The following DNAH7 variants were observed in gnomAD, a reference collection of about 807,000 sequenced individuals.
The protein encoded by DNAH7 is dynein axonemal heavy chain 7, also known as axonemal beta dynein heavy chain 7.
In DNAH7, 397 loss-of-function variants were observed where a neutral mutation model predicts 444.6. That is an observed-to-expected ratio of 0.89 (90% CI 0.82 to 0.97). DNAH7 has a LOEUF of 0.97. DNAH7 is among the 50% of genes least tolerant of loss of function. DNAH7 has a pLI of 0.00. For synonymous variants in DNAH7, 1,636 were observed against 1,624.4 expected (o/e 1.01, Z -0.17); for missense variants, 4,902 against 4,800.8 (o/e 1.02, Z -0.62).
chr2:195,955,884 A>T (rs2125504462), intron 19 of DNAH7, among the ~76,000 whole-genome samples: 1 of 152,286 alleles, frequency 6.6e-6, no homozygotes, highest in African/African-American at 2.4e-5. Flanking sequence ...AGGAAACTAT[A>T]TATAAAAGAC....
rs1364984062 is a variant in DNAH7, at chr2:195,972,358, CT to C, written c.1941del (p.Ala648GlnfsTer3). 6.2e-7 allele frequency: 1 copy of C among 1,614,032 alleles called. No homozygotes were observed. The highest frequency in any genetic ancestry group is 1.7e-5 in the Admixed American group (1 of 60,002). On this transcript the variant is annotated frameshift_variant, in exon 16 of 65. Coordinates refer to ENST00000312428, the MANE Select transcript of DNAH7 (RefSeq NM_018897.3). LOFTEE classifies it high-confidence loss of function. ...AFLIEYVNFS[P>X]ADMRLNNSVF... ...ACACTATTATTTAGCCTCATGTCTG[CT>C]GGAGAAAAGTTGACATACTCGATGA...
chr2:195,990,836 T>A (rs910423981), intron 12 of DNAH7, among the ~76,000 whole-genome samples: 1 of 146,006 alleles, frequency 6.8e-6, no homozygotes, highest in Non-Finnish European at 1.5e-5. Flanking sequence ...TAAATATATA[T>A]ACATATATAT....
chr2:195,860,208 T>C (rs1221727330), intron 42 of DNAH7, among the ~76,000 whole-genome samples: 1 of 152,164 alleles, frequency 6.6e-6, no homozygotes, highest in African/African-American at 2.4e-5. Context: ...TTTAAACTCT[T>C]CCTATAAGTT....
At chr2:195,875,107 T>A (rs1295457100) in intron 38 of DNAH7, among the ~76,000 whole-genome samples, 5 of 152,178 alleles carry the variant, frequency 3.3e-5, no homozygotes, top group Non-Finnish European at 1.5e-5. Context: ...CAGAGATTCC[T>A]TTGAGTATAA....
intron 10 of DNAH7, among the ~76,000 whole-genome samples, chr2:196,007,678 C>T (rs897354520): frequency 1.3e-5 from 2 of 152,214 alleles, no homozygotes; most frequent in Non-Finnish European, 2.9e-5. Context: ...ATAAGTCTCA[C>T]GAGATTTGTT....
intron 24 of DNAH7, among the ~76,000 whole-genome samples, chr2:195,916,842 G>A (rs554651663): frequency 4.6e-5 from 7 of 151,944 alleles, no homozygotes; most frequent in East Asian, 1.9e-4. Context: ...GCTCACGCCC[G>A]TAATTCCAGC....
At chr2:195,924,139 G>C (rs1460283350) in intron 22 of DNAH7, among the ~76,000 whole-genome samples, 1 of 152,098 alleles carries the variant, frequency 6.6e-6, no homozygotes, top group African/African-American at 2.4e-5. Flanking sequence ...CTAAACCAGA[G>C]CCAATCACAG....
rs1698910396 is a variant in DNAH7, at chr2:195,845,159, T to A, written c.8788A>T (p.Thr2930Ser). ...AFTSTYRQNQTKEWTTLCKGR... is the reference protein window; with the variant it reads ...AFTSTYRQNQSKEWTTLCKGR... ...TTGCACAAAGTTGTCCACTCTTTAG[T>A]TTGATTCTTTAGAACATCCACAGAA... The change falls in exon 47 of 65, where the codon ACT becomes TCT. Residue 2930 changes from threonine (T) to serine (S), a missense_variant. By Grantham distance (58) the Thr-to-Ser change is moderately conservative. Coordinates refer to ENST00000312428, the MANE Select transcript of DNAH7 (RefSeq NM_018897.3). 1 of 1,607,190 alleles carries A rather than the reference T, an allele frequency of 6.2e-7. No individual in the cohort carries two copies. The highest frequency in any genetic ancestry group is 1.1e-5 in the South Asian group (1 of 89,050).
intron 8 of DNAH7, among the ~76,000 whole-genome samples, chr2:196,021,249 A>T (rs1358725135): frequency 6.6e-6 from 1 of 152,210 alleles, no homozygotes. Context: ...TAACCAACTT[A>T]GTGTCCACCT....
chr2:196,059,927 T>C (rs756523661), intron 1 of DNAH7, among the ~76,000 whole-genome samples: 1 of 152,136 alleles, frequency 6.6e-6, no homozygotes, highest in African/African-American at 2.4e-5. Flanking sequence ...ATTAAACCTA[T>C]GTTTCTGGCT....
Position 195,872,276 on chromosome 2 carries a change from C to T in DNAH7, c.6607G>A (p.Val2203Met), listed in dbSNP as rs369005299. The part of the protein sequence containing the change: ...SRPETTETTE[V>M]IKRLWVHEVL... ...TCATGAACCCAAAGACGTTTAATCA[C>T]TTCTGTGGTTTCTGTTGTTTCTGGT... Residue 2203 changes from valine (V) to methionine (M), a missense_variant, in exon 40 of 65, where the codon GTG becomes ATG. Physicochemically the swap from Val to Met is conservative, Grantham distance 21. Coordinates refer to ENST00000312428, the MANE Select transcript of DNAH7 (RefSeq NM_018897.3). 6.2e-7 allele frequency: 1 copy of T among 1,613,780 alleles called. No homozygotes were observed. The highest frequency in any genetic ancestry group is 1.1e-5 in the South Asian group (1 of 91,056).
intron 9 of DNAH7, among the ~76,000 whole-genome samples, chr2:196,013,465 G>A (rs962358930): frequency 4.0e-5 from 6 of 151,850 alleles, no homozygotes; most frequent in Admixed American, 2.6e-4. Context: ...TTATACACAC[G>A]GTTTACTCAT....
chr2:196,068,475 G>A, intron 1 of DNAH7: 1 of 609,312 alleles, frequency 1.6e-6, no homozygotes, highest in East Asian at 3.1e-5. Flanking sequence ...AGGCGGCTAG[G>A]TTTGGTTGTT....
Position 195,888,990 on chromosome 2 carries a change from T to C in DNAH7, c.5047-9A>G, listed in dbSNP as rs1701860875. 1.2e-6 allele frequency: 2 copies of C among 1,610,932 alleles called. No homozygotes were observed. The highest frequency in any genetic ancestry group is 1.7e-6 in the Non-Finnish European group (2 of 1,179,012). On this transcript the variant is annotated splice_polypyrimidine_tract_variant and intron_variant, in intron 31 of 64. Coordinates refer to ENST00000312428, the MANE Select transcript of DNAH7 (RefSeq NM_018897.3). ...CATTTCCTATCTGGAGTCTGTTTCATGCATATGTGAACAGAGGGCAAAAAC... is the reference window on the plus strand; with the variant it reads ...CATTTCCTATCTGGAGTCTGTTTCACGCATATGTGAACAGAGGGCAAAAAC...
At chr2:195,927,253 A>G (rs1688393714) in intron 21 of DNAH7, among the ~76,000 whole-genome samples, 1 of 152,194 alleles carries the variant, frequency 6.6e-6, no homozygotes, top group Admixed American at 6.5e-5. Context: ...ACATGCATCA[A>G]CCAAAAATAG....
intron 40 of DNAH7, among the ~76,000 whole-genome samples, chr2:195,866,742 C>CT (rs1700363765): frequency 6.6e-6 from 1 of 152,102 alleles, no homozygotes; most frequent in African/African-American, 2.4e-5. Flanking sequence ...CTTTCCATTT[C>CT]TTTTTGTTTT....
chr2:196,040,547 A>T (rs1175295332), intron 5 of DNAH7, among the ~76,000 whole-genome samples: 1 of 152,158 alleles, frequency 6.6e-6, no homozygotes, highest in East Asian at 1.9e-4. Context: ...AACTCTCCAC[A>T]ACCTTGGTAC....
intron 7 of DNAH7, among the ~76,000 whole-genome samples, chr2:196,026,485 A>G (rs1309489030): frequency 2.0e-5 from 3 of 152,174 alleles, no homozygotes; most frequent in Admixed American, 6.5e-5. Context: ...TAGACACTCA[A>G]TAAATATCTT....
Position 195,750,483 on chromosome 2 carries a change from C to A in DNAH7, c.11764+3854G>T, listed in dbSNP as rs1481929880. On this transcript the variant is annotated intron_variant, in intron 63 of 64. Coordinates refer to ENST00000312428, the MANE Select transcript of DNAH7 (RefSeq NM_018897.3). The stretch of plus-strand genomic sequence containing the variant: ...ATACAAAAAGAACTAGAAAAAAATT[C>A]ATGCATCTGAATTAAATACTTAAGA... 3.3e-5 allele frequency among the ~76,000 whole-genome samples: 5 copies of A among 152,306 alleles called. No homozygotes were observed. In the South Asian group the frequency reaches 1.0e-3, roughly 32 times the overall value.
Sources: gnomAD v4.1 joint callset for allele counts (sites outside exome capture counted in the v4.1 genomes callset) on GRCh38, gnomAD v4.1.1 for gene constraint, MANE v1.5 for transcripts, NCBI Gene and HGNC (gene_info 2026-07-23, HGNC 2026-07-21) for gene names.